Variants in NIN observed in about 807,000 individuals in gnomAD.
NIN encodes the protein glycogen synthase kinase 3 beta-interacting protein.
NIN carries 137 observed loss-of-function variants against 257.6 expected under a neutral mutation model. The observed-to-expected ratio is 0.53, with a 90% CI of 0.46 to 0.61. NIN has a LOEUF of 0.61. NIN is among the 20% of genes least tolerant of loss of function. The pLI is 0.00. For synonymous variants in NIN, 918 were observed against 919.8 expected (o/e 1.00, Z 0.04); for missense variants, 2,439 against 2,501.2 (o/e 0.98, Z 0.53).
At chr14:50,821,413 C>T (rs751309074) in intron 3 of NIN, among the ~76,000 whole-genome samples, 1 of 152,226 alleles carries the variant, frequency 6.6e-6, no homozygotes, top group African/African-American at 2.4e-5. Context: ...ATTTACCCTG[C>T]TGTCTTATTT....
At chr14:50,745,071 ATGT>A (rs1241067008) in intron 22 of NIN, among the ~76,000 whole-genome samples, 8 of 152,094 alleles carry the variant, frequency 5.3e-5, no homozygotes, top group African/African-American at 1.7e-4. Flanking sequence ...GGCCAGTAAA[ATGT>A]TGTTGGTGCG....
rs1453231118 is a variant in NIN, at chr14:50,767,776, C to T, written c.1435-886G>A. Among the ~76,000 whole-genome samples the T allele has an allele frequency of 2.7e-5, 4 of 147,680 alleles. No individual in the cohort carries two copies. The East Asian group carries it at 6.0e-4, about 22-fold the overall frequency. On this transcript the variant is annotated intron_variant, in intron 12 of 30. Coordinates refer to ENST00000530997, the MANE Select transcript of NIN (RefSeq NM_020921.4). ...AGCTTGCAGTGAGCCGAGATGGCGC[C>T]ACTGCACTCCAGCCTGGGCGACACA...
chr14:50,802,362 GA>G lies in NIN; in HGVS notation c.265+4374del, dbSNP rs548718824. ...TAAATATCTGAGTTAAAAAGATGCT[GA>G]AAATAATCTAGTCCATATCTCCTGA... On this transcript the variant is annotated intron_variant, in intron 4 of 30. Transcript: ENST00000530997. 2.6e-5 allele frequency among the ~76,000 whole-genome samples: 4 copies of G among 152,240 alleles called. No individual in the cohort carries two copies. In the South Asian group the frequency reaches 8.3e-4, roughly 32 times the overall value.
In NIN at chr14:50,722,645, T is replaced by A. The variant is rs2040293354; in HGVS notation, c.*818A>T. 1 of 215,746 alleles carries A rather than the reference T, an allele frequency of 4.6e-6. No individual in the cohort carries two copies. Among genetic ancestry groups the A allele is most frequent in the South Asian group, 1.9e-4 (1 of 5,390 alleles). The allele number at this position is 215,746 out of a possible 1,614,324, so 13.4% of individuals were successfully genotyped here. ...AACCTACATGGTCTGCTTATCCCTCTTTTCTAAGAGTAGCTATTTACTCCA... is the reference window on the plus strand; with the variant it reads ...AACCTACATGGTCTGCTTATCCCTCATTTCTAAGAGTAGCTATTTACTCCA... On this transcript the variant is annotated 3_prime_UTR_variant, in exon 31 of 31. Coordinates refer to ENST00000530997, the MANE Select transcript of NIN (RefSeq NM_020921.4).
At position 50,757,062 on chromosome 14, in the gene NIN, A is replaced by C; in HGVS notation, c.3968T>G (p.Val1323Gly). ...EVKIENEGLN[V>G]LVLRLQGKIE... ...CTTGCCTTGAAGTCTCAAAACCAGA[A>C]CATTCAGCCCCTCATTTTCTATTTT... The change falls in exon 18 of 31, where the codon GTT (valine) becomes GGT (glycine). Residue 1323 changes from valine to glycine, a missense_variant. Coordinates refer to ENST00000530997, the MANE Select transcript of NIN (RefSeq NM_020921.4). 1 of 1,613,806 alleles carries C rather than the reference A, an allele frequency of 6.2e-7. No homozygotes were observed. Among genetic ancestry groups the C allele is most frequent in the African/African-American group, 1.3e-5 (1 of 74,982 alleles).
chr14:50,821,651 A>G (rs1014682637), intron 3 of NIN, among the ~76,000 whole-genome samples: 1 of 152,202 alleles, frequency 6.6e-6, no homozygotes, highest in African/African-American at 2.4e-5. Context: ...CTCTTTATCT[A>G]AGATGCTCAC....
intron 4 of NIN, 39 bp from the exon 5 acceptor site, chr14:50,792,920 GA>G: frequency 6.2e-7 from 1 of 1,606,020 alleles, no homozygotes; most frequent in Non-Finnish European, 8.5e-7. Flanking sequence ...CATGACATGA[GA>G]ATCTCAGTTC....
chr14:50,770,845 G>C lies in NIN; in HGVS notation c.1259+7C>G. 6.2e-7 allele frequency: 1 copy of C among 1,611,214 alleles called. No homozygotes were observed. Among genetic ancestry groups the C allele is most frequent in the Non-Finnish European group, 8.5e-7 (1 of 1,178,812 alleles). ...GGTGAGGAGGAGCCTCACTCTGCTG[G>C]CCTCACCTGAGGTTGTACTCATTCC... On this transcript the variant is annotated splice_region_variant and intron_variant, in intron 11 of 30. Coordinates refer to ENST00000530997, the MANE Select transcript of NIN (RefSeq NM_020921.4).
At chr14:50,762,927 C>T (rs996002805) in intron 15 of NIN, among the ~76,000 whole-genome samples, 4 of 152,054 alleles carry the variant, frequency 2.6e-5, no homozygotes, top group Non-Finnish European at 5.9e-5. Context: ...AGCTTCTTGT[C>T]CTCATGAGGA....
chr14:50,755,648 CTTTTTTTTTTTTT>C (rs71118900), intron 18 of NIN, among the ~76,000 whole-genome samples: 10 of 80,018 alleles, frequency 1.2e-4, no homozygotes, highest in East Asian at 8.8e-4. Context: ...TGTTTTGTCT[CTTTTTTTTTTTTT>C]TTTTTTTTTT....
intron 4 of NIN, chr14:50,806,196 T>C (rs2044319383): frequency 6.6e-6 from 1 of 152,250 alleles, no homozygotes; most frequent in African/African-American, 2.4e-5. Context: ...GAAACATTCA[T>C]TGAATACTTA....
At chr14:50,741,197 C>T (rs1232619713) in intron 25 of NIN, among the ~76,000 whole-genome samples, 1 of 152,066 alleles carries the variant, frequency 6.6e-6, no homozygotes, top group African/African-American at 2.4e-5. Flanking sequence ...TTTTCTCTAC[C>T]ATTTAAGAAA....
rs796837200 is a variant in NIN, at chr14:50,736,775, CATG to C, written c.5776-1161_5776-1159del. 7.9e-5 allele frequency among the ~76,000 whole-genome samples: 12 copies of C among 152,190 alleles called. 1 individual carries two copies. The highest frequency in any genetic ancestry group is 2.2e-4 in the African/African-American group (9 of 41,540). On this transcript the variant is annotated intron_variant, in intron 27 of 30. Transcript: ENST00000530997. The stretch of plus-strand genomic sequence containing the variant: ...ACCAGGTCTTCTTACTGCAAATGGT[CATG>C]ATAACTTTCACAAAAAACAAAAATT...
intron 5 of NIN, among the ~76,000 whole-genome samples, chr14:50,791,808 C>CACACACAAACACAA (rs545069037): frequency 0.051 from 973 of 19,090 alleles, 7 homozygotes; most frequent in Non-Finnish European, 0.18. Context: ...GGTGCACGCG[C>CACACACAAACACAA]ACACACACAC....
rs1448488913 is a variant in NIN, at chr14:50,821,960, G to C, written c.97C>G (p.Leu33Val). 6.2e-7 allele frequency: 1 copy of C among 1,614,170 alleles called. No homozygotes were observed. Among genetic ancestry groups the C allele is most frequent in the Non-Finnish European group, 8.5e-7 (1 of 1,180,018 alleles). The change falls in exon 3 of 31, where the codon CTC becomes GTC. Residue 33 changes from leucine to valine, a missense_variant. Leu to Val is a conservative substitution (Grantham distance 32). Transcript: ENST00000530997. ...TGTGSLGQEE[L>V]TDLCHMLSLE... ...CTCAACATGTGGCAAAGGTCGGTGA[G>C]TTCCTCCTGCCCCAGGGACCCTGTG...
rs762267310 is a variant in NIN, at chr14:50,723,668, C to G, written c.6197G>C (p.Cys2066Ser). Reference sequence around the variant, plus strand: ...CATTGCGTCTGCCTTAGTGTTCTTGCAGAGCTAGAAACAGAACCAGAAACA... The same window carrying G: ...CATTGCGTCTGCCTTAGTGTTCTTGGAGAGCTAGAAACAGAACCAGAAACA... ...EKVNQLKEQL[C>S]KNTKADAMVK... is the part of the protein sequence containing the mutation. The change falls in exon 31 of 31, where the codon TGC (cysteine) becomes TCC (serine). Residue 2066 changes from cysteine to serine, a missense_variant. Cys to Ser is a moderately radical substitution (Grantham distance 112). This residue lies in a region of NIN where 2,043 missense variants were observed against 2,050.2 expected (regional missense o/e 1.00). Transcript: ENST00000530997. The G allele has an allele frequency of 1.9e-6, 3 of 1,613,654 alleles. No individual in the cohort carries two copies. In the Admixed American group the frequency reaches 5.0e-5, roughly 27 times the overall value.
intron 3 of NIN, among the ~76,000 whole-genome samples, chr14:50,812,380 G>C (rs996620607): frequency 6.6e-6 from 1 of 152,162 alleles, no homozygotes; most frequent in Non-Finnish European, 1.5e-5. Flanking sequence ...TGACCCCTCA[G>C]GGAAATCCCT....
rs574681007 is a variant in NIN, at chr14:50,722,405, T to TC, written c.*1057dup. ...TTAACCCTAAAATCAAGGCCTTTTT[T>TC]CCCCCAGAATATTAAATTTACTAAA... On this transcript the variant is annotated 3_prime_UTR_variant, in exon 31 of 31. Coordinates refer to ENST00000530997, the MANE Select transcript of NIN (RefSeq NM_020921.4). 1.9e-5 allele frequency: 4 copies of TC among 212,178 alleles called. No individual in the cohort carries two copies. The highest frequency in any genetic ancestry group is 3.8e-5 in the Non-Finnish European group (4 of 104,594). 13.1% of individuals were successfully genotyped at this position (212,178 alleles called of 1,614,324 possible). A position where few individuals can be genotyped will look rare whatever the true frequency, so the allele number is the denominator to read the frequency against.
chr14:50,730,912 G>C, intron 28 of NIN: 1 of 1,342,456 alleles, frequency 7.4e-7, no homozygotes, highest in Non-Finnish European at 9.8e-7. Flanking sequence ...CATTGAAAGA[G>C]AATGTTCTAC....
Sources: gnomAD v4.1 joint callset for allele counts (sites outside exome capture counted in the v4.1 genomes callset) on GRCh38, gnomAD v4.1.1 for gene constraint, gnomAD v4.1.1 regional missense constraint, MANE v1.5 for transcripts, NCBI Gene and HGNC (gene_info 2026-07-23, HGNC 2026-07-21) for gene names.